The following RARA variants were observed in gnomAD, a reference collection of about 807,000 sequenced individuals.
RARA encodes retinoic acid receptor alpha.
RARA carries 5 observed loss-of-function variants against 42.8 expected under a neutral mutation model. The ratio of observed to expected loss-of-function variants is 0.12; its 90% CI spans 0.06 to 0.25. The LOEUF is 0.25. RARA is among the 10% of genes least tolerant of loss of function. The pLI, the probability that RARA is intolerant of heterozygous loss-of-function variation, is 1.00. For missense variants in RARA, 402 were observed against 628.7 expected, an observed-to-expected ratio of 0.64 and a Z score of 3.86; for synonymous variants, 256 against 259.5, an observed-to-expected ratio of 0.99 and a Z score of 0.13.
At chr17:40,333,423 G>A (rs371175720) in intron 2 of RARA, among the ~76,000 whole-genome samples, 1 of 152,080 alleles carries the variant, frequency 6.6e-6, no homozygotes, top group Non-Finnish European at 1.5e-5. Flanking sequence ...GCTTAATGCA[G>A]TCTCGGCCTC....
chr17:40,313,099 G>A (rs564176118), intron 1 of RARA, among the ~76,000 whole-genome samples: 27 of 152,328 alleles, frequency 1.8e-4, no homozygotes, highest in African/African-American at 5.8e-4. Flanking sequence ...TGGGTGGCCT[G>A]TGGCCACTGG....
At position 40,355,478 on chromosome 17, in the gene RARA, C is replaced by T; in HGVS notation, c.1171+57C>T. ...CCCCGACACCTGGCCCAGGCCCCCA[C>T]ATCCAAGCCAGCACCCCATGTCTTT... is the stretch of plus-strand genomic sequence containing the variant. On this transcript the variant is annotated intron_variant, in intron 8 of 8. Coordinates refer to ENST00000254066, the MANE Select transcript of RARA (RefSeq NM_000964.4). The surrounding 1 kb of genome is among the most constrained non-coding windows in gnomAD (Gnocchi z 4.1). The T allele has an allele frequency of 3.2e-6, 5 of 1,549,196 alleles. No homozygotes were observed. Among genetic ancestry groups the T allele is most frequent in the African/African-American group, 1.4e-5 (1 of 73,292 alleles).
At chr17:40,334,293 A>G (rs1303429357) in intron 2 of RARA, among the ~76,000 whole-genome samples, 4 of 151,952 alleles carry the variant, frequency 2.6e-5, no homozygotes, top group Admixed American at 1.3e-4. Context: ...AGGTTAGGCA[A>G]TGCCCCCTTC....
chr17:40,350,136 C>G, intron 4 of RARA: 3 of 661,888 alleles, frequency 4.5e-6, no homozygotes, highest in Non-Finnish European at 7.5e-6. Context: ...CAGGTCTGTG[C>G]TCCGGGACCG....
chr17:40,315,161 T>TACACAC lies in RARA; in HGVS notation c.-363+5876_-363+5877insCACACA, dbSNP rs1481244469. Among the ~76,000 whole-genome samples the TACACAC allele has an allele frequency of 3.7e-3, 467 of 125,138 alleles. 8 individuals carry two copies. Among genetic ancestry groups the TACACAC allele is most frequent in the African/African-American group, 0.016 (438 of 27,370 alleles). 82.1% of individuals were successfully genotyped at this position (125,138 alleles called of 152,430 possible). The stretch of plus-strand genomic sequence containing the variant: ...ATATATATATATATATATATATATA[T>TACACAC]ATATATATATACACACACACACACA... On this transcript the variant is annotated intron_variant, in intron 1 of 8. Coordinates refer to ENST00000254066, the MANE Select transcript of RARA (RefSeq NM_000964.4).
chr17:40,313,165 G>A (rs920508685), intron 1 of RARA, among the ~76,000 whole-genome samples: 3 of 152,142 alleles, frequency 2.0e-5, no homozygotes, highest in African/African-American at 7.2e-5. Context: ...TGAGCTGTGG[G>A]GCTAGGAGAC....
At chr17:40,322,531 A>G (rs1295604316) in intron 1 of RARA, among the ~76,000 whole-genome samples, 2 of 151,826 alleles carry the variant, frequency 1.3e-5, no homozygotes, top group Non-Finnish European at 2.9e-5. Context: ...GTGTGTACAC[A>G]CCTACCTTGG....
intron 2 of RARA, among the ~76,000 whole-genome samples, chr17:40,338,984 C>G (rs1353331431): frequency 6.6e-6 from 1 of 152,140 alleles, no homozygotes; most frequent in Non-Finnish European, 1.5e-5. Flanking sequence ...CACCACTGCA[C>G]TCTAGCCTGG....
intron 6 of RARA, among the ~76,000 whole-genome samples, chr17:40,353,703 G>A (rs1236330706): frequency 6.6e-6 from 1 of 152,166 alleles, no homozygotes; most frequent in Non-Finnish European, 1.5e-5. Context: ...TGATCCTCCC[G>A]CGTGAGCCGG....
chr17:40,311,989 TC>T, intron 1 of RARA, among the ~76,000 whole-genome samples: 1 of 152,202 alleles, frequency 6.6e-6, no homozygotes, highest in East Asian at 1.9e-4. Context: ...TTAGTTTTTT[TC>T]CCCATGATAT....
In RARA at chr17:40,354,424, TG is replaced by T; in HGVS notation, c.931del (p.Ala311ProfsTer49). On this transcript the variant is annotated frameshift_variant, in exon 7 of 9. Coordinates refer to ENST00000254066, the MANE Select transcript of RARA (RefSeq NM_000964.4). LOFTEE classifies it high-confidence loss of function. This position sits in a 1 kb window ranked among gnomAD's most constrained non-coding sequence, Gnocchi z 4.5. ...TCGGCCCCCTCACCGACCTGGTCTT[TG>T]CCTTCGCCAACCAGCTGCTGCCCCT... ...GFGPLTDLVF[A>X]FANQLLPLEM... is the part of the protein sequence containing the mutation. 1 of 1,613,742 alleles carries T rather than the reference TG, an allele frequency of 6.2e-7. No individual in the cohort carries two copies. Among genetic ancestry groups the T allele is most frequent in the Non-Finnish European group, 8.5e-7 (1 of 1,179,844 alleles).
intron 2 of RARA, among the ~76,000 whole-genome samples, chr17:40,335,582 C>T (rs757514167): frequency 1.3e-5 from 2 of 151,954 alleles, no homozygotes; most frequent in Non-Finnish European, 2.9e-5. Context: ...CCCAGCTACT[C>T]GGGAGGCTGA....
At chr17:40,342,221 A>G (rs2034081951) in intron 2 of RARA, 1 of 1,050,070 alleles carries the variant, frequency 9.5e-7, no homozygotes, top group Non-Finnish European at 1.1e-6. Flanking sequence ...GCGGGGGCGG[A>G]ACCGCGCGGG....
intron 2 of RARA, among the ~76,000 whole-genome samples, chr17:40,332,454 C>G (rs1307584193): frequency 1.3e-5 from 2 of 152,212 alleles, no homozygotes; most frequent in Non-Finnish European, 2.9e-5. Context: ...CACCACTGCC[C>G]TATGTGCCTG....
chr17:40,344,627 C>T (rs969626174), intron 2 of RARA, among the ~76,000 whole-genome samples: 1 of 152,200 alleles, frequency 6.6e-6, no homozygotes, highest in Non-Finnish European at 1.5e-5. Context: ...TCCCCTAAAC[C>T]ACTGGACATG....
In RARA at chr17:40,356,003, C is replaced by T; in HGVS notation, c.1172-6C>T. 6.3e-7 allele frequency: 1 copy of T among 1,592,826 alleles called. No individual in the cohort carries two copies. The highest frequency in any genetic ancestry group is 8.5e-7 in the Non-Finnish European group (1 of 1,170,818). ...GTGCTGACCTCTGCCCCCTCCTTTC[C>T]TGCAGGGGCTGAGCGGGTGATCACG... On this transcript the variant is annotated splice_region_variant and splice_polypyrimidine_tract_variant and intron_variant, in intron 8 of 8. Coordinates refer to ENST00000254066, the MANE Select transcript of RARA (RefSeq NM_000964.4).
rs532956409 is a variant in RARA at position 40,347,782 on chromosome 17, G to C, written c.179-534G>C. ...GCCTTGGGTCCCTGGCCCTGGGATT[G>C]TTTGGGTGGAGGAGGGGCAGTGGCT... On this transcript the variant is annotated intron_variant, in intron 2 of 8. Coordinates refer to ENST00000254066, the MANE Select transcript of RARA (RefSeq NM_000964.4). 2.7e-4 allele frequency among the ~76,000 whole-genome samples: 40 copies of C among 147,970 alleles called. No homozygotes were observed. The East Asian group carries it at 8.4e-3, about 31-fold the overall frequency.
intron 2 of RARA, among the ~76,000 whole-genome samples, chr17:40,334,658 C>T (rs1215886347): frequency 6.6e-6 from 1 of 152,204 alleles, no homozygotes; most frequent in Non-Finnish European, 1.5e-5. Flanking sequence ...AATCCATGGT[C>T]CTCCATTCCT....
intron 2 of RARA, chr17:40,340,748 G>T (rs2034008340): frequency 1.0e-5 from 4 of 398,786 alleles, no homozygotes; most frequent in Non-Finnish European, 1.3e-5. Context: ...TTGCTTAATG[G>T]CTGTTGCTCC....
Sources: gnomAD v4.1 joint callset for allele counts (sites outside exome capture counted in the v4.1 genomes callset) on GRCh38, gnomAD v4.1.1 for gene constraint, Gnocchi (gnomAD v3.1) non-coding constraint, MANE v1.5 for transcripts, NCBI Gene and HGNC (gene_info 2026-07-23, HGNC 2026-07-21) for gene names.